The following CACNA2D1 variants were observed in gnomAD, a reference collection of about 807,000 sequenced individuals.
The protein encoded by CACNA2D1 is calcium voltage-gated channel auxiliary subunit alpha2delta 1, also known as voltage-dependent calcium channel subunit alpha-2/delta-1.
CACNA2D1 carries 53 observed loss-of-function variants against 171.5 expected under a neutral mutation model. The observed-to-expected ratio is 0.31, with a 90% confidence interval of 0.25 to 0.39. The LOEUF is 0.39. Among genes scored for constraint, CACNA2D1 ranks in the 10% least tolerant of loss-of-function variants. The pLI, the probability that CACNA2D1 is intolerant of heterozygous loss-of-function variation, is 1.00. For missense variants in CACNA2D1, 903 were observed against 1,299.8 expected (o/e 0.69, Z 4.69); for synonymous variants, 442 against 443.1 (o/e 1.00, Z 0.03).
chr7:82,338,001 T>C (rs1022540491), intron 2 of CACNA2D1, among the ~76,000 whole-genome samples: 8 of 152,120 alleles, frequency 5.3e-5, no homozygotes, highest in South Asian at 2.1e-4. Context: ...GTTTGTGAGA[T>C]AGCCAAAAAA....
chr7:82,411,914 C>A (rs1011755937), intron 1 of CACNA2D1, among the ~76,000 whole-genome samples: 2 of 151,818 alleles, frequency 1.3e-5, no homozygotes, highest in Non-Finnish European at 2.9e-5. Flanking sequence ...CACACACACA[C>A]ACACACACAC....
At position 82,279,326 on chromosome 7, in the gene CACNA2D1, T is replaced by G. The variant is rs931448729; in HGVS notation, c.294+55809A>C. On this transcript the variant is annotated intron_variant, in intron 3 of 38. Transcript: ENST00000356860. ...GGAATTTATTTATTTATGTATGTATTTATTTATTTATCTGAAGTTATTACA... is the reference window on the plus strand; with the variant it reads ...GGAATTTATTTATTTATGTATGTATGTATTTATTTATCTGAAGTTATTACA... 5.9e-5 allele frequency among the ~76,000 whole-genome samples: 9 copies of G among 152,300 alleles called. No individual in the cohort carries two copies. In the South Asian group the frequency reaches 1.0e-3, roughly 18 times the overall value.
At chr7:82,242,147 T>C (rs531273824) in intron 3 of CACNA2D1, among the ~76,000 whole-genome samples, 44 of 152,256 alleles carry the variant, frequency 2.9e-4, no homozygotes, top group African/African-American at 1.0e-3. Flanking sequence ...TAGGGATTAG[T>C]TGACATTATG....
At chr7:82,335,386 G>C (rs904271809) in intron 2 of CACNA2D1, 135 bp from the exon 3 acceptor site, 4 of 669,126 alleles carry the variant, frequency 6.0e-6, no homozygotes, top group African/African-American at 1.8e-5. Flanking sequence ...TCTTTTTGGA[G>C]TTTGAGTGTG....
At chr7:82,059,340 G>A (rs1311947187) in intron 10 of CACNA2D1, among the ~76,000 whole-genome samples, 10 of 152,122 alleles carry the variant, frequency 6.6e-5, no homozygotes, top group Admixed American at 5.9e-4. Flanking sequence ...TTCTAGCTAT[G>A]AGTAGGAGGG....
At chr7:82,196,198 AGTCCATATACATG>A (rs1258201579) in intron 3 of CACNA2D1, among the ~76,000 whole-genome samples, 1 of 152,090 alleles carries the variant, frequency 6.6e-6, no homozygotes, top group Non-Finnish European at 1.5e-5. Context: ...CCATTTTGCA[AGTCCATATACATG>A]GTCTAATAAC....
chr7:82,253,763 C>T (rs920984933), intron 3 of CACNA2D1, among the ~76,000 whole-genome samples: 1 of 152,138 alleles, frequency 6.6e-6, no homozygotes, highest in African/African-American at 2.4e-5. Context: ...TCTCCAGAAA[C>T]TTGCAAGGTC....
chr7:82,267,405 G>A (rs1384320512), intron 3 of CACNA2D1, among the ~76,000 whole-genome samples: 3 of 152,120 alleles, frequency 2.0e-5, no homozygotes, highest in Non-Finnish European at 4.4e-5. Flanking sequence ...GTCACAATTA[G>A]TTATGCCCCA....
At chr7:82,184,083 TAA>T (rs532720700) in intron 3 of CACNA2D1, among the ~76,000 whole-genome samples, 1 of 144,174 alleles carries the variant, frequency 6.9e-6, no homozygotes, top group African/African-American at 2.5e-5. Context: ...AGGATGGTTT[TAA>T]AAAAAAAAAA....
chr7:82,190,322 T>C (rs1241439160), intron 3 of CACNA2D1, among the ~76,000 whole-genome samples: 1 of 151,826 alleles, frequency 6.6e-6, no homozygotes, highest in Non-Finnish European at 1.5e-5. Context: ...TTGCTTCATA[T>C]CCATAATTGT....
intron 19 of CACNA2D1, among the ~76,000 whole-genome samples, chr7:81,995,434 T>G (rs1797942120): frequency 6.6e-6 from 1 of 152,142 alleles, no homozygotes; most frequent in Non-Finnish European, 1.5e-5. Context: ...CAGAGAAAAC[T>G]ATAAACACCT....
chr7:81,981,076 T>C (rs1440237775), intron 24 of CACNA2D1, among the ~76,000 whole-genome samples: 1 of 152,194 alleles, frequency 6.6e-6, no homozygotes, highest in African/African-American at 2.4e-5. Flanking sequence ...GAAACACATA[T>C]GTCTTTGTCT....
chr7:82,125,888 AT>A (rs1369916742), intron 5 of CACNA2D1, among the ~76,000 whole-genome samples: 5 of 152,210 alleles, frequency 3.3e-5, no homozygotes, highest in Admixed American at 6.5e-5. Flanking sequence ...AAAATGAAAA[AT>A]ATCTCAATAT....
intron 3 of CACNA2D1, among the ~76,000 whole-genome samples, chr7:82,229,170 G>A (rs984384409): frequency 6.6e-6 from 1 of 152,076 alleles, no homozygotes; most frequent in African/African-American, 2.4e-5. Flanking sequence ...AGTAGATATG[G>A]GTTTACTAGG....
At chr7:82,285,343 C>T (rs961487697) in intron 3 of CACNA2D1, among the ~76,000 whole-genome samples, 2 of 152,164 alleles carry the variant, frequency 1.3e-5, no homozygotes, top group African/African-American at 4.8e-5. Context: ...ACCCCCTACA[C>T]AGCCCAACCC....
intron 6 of CACNA2D1, among the ~76,000 whole-genome samples, chr7:82,103,978 G>C (rs1033381604): frequency 1.3e-5 from 2 of 151,924 alleles, no homozygotes. Context: ...CCATCAAAGT[G>C]AATAATTTCA....
chr7:82,198,433 C>T (rs1799067447), intron 3 of CACNA2D1, among the ~76,000 whole-genome samples: 1 of 152,044 alleles, frequency 6.6e-6, no homozygotes, highest in Admixed American at 6.6e-5. Flanking sequence ...GGCTCGAAGG[C>T]AGTGATTTCT....
chr7:82,380,461 A>G lies in CACNA2D1; in HGVS notation c.96-30812T>C, dbSNP rs536148649. On this transcript the variant is annotated intron_variant, in intron 1 of 38. Transcript: ENST00000356860. ...TTTTTGATGTGAGTGATTCCAAACTATTATATAATAAAAAGTCTGCTCTAA... is the reference window on the plus strand; with the variant it reads ...TTTTTGATGTGAGTGATTCCAAACTGTTATATAATAAAAAGTCTGCTCTAA... Among the ~76,000 whole-genome samples, 4 of 152,252 alleles carry G rather than the reference A, an allele frequency of 2.6e-5. No individual in the cohort carries two copies. In the South Asian group the frequency reaches 6.2e-4, roughly 24 times the overall value.
rs369514706 is a variant in CACNA2D1, at chr7:81,978,770, T to TAC, written c.1955+3795_1955+3796dup. On this transcript the variant is annotated intron_variant, in intron 24 of 38. Transcript: ENST00000356860. ...TAAAAAGTGTATATATATATATATA[T>TAC]ACACACACACACACACTGTTCAAAA... Among the ~76,000 whole-genome samples the TAC allele has an allele frequency of 2.5e-3, 359 of 144,002 alleles. 2 individuals are homozygous for TAC. Among genetic ancestry groups the TAC allele is most frequent in the Middle Eastern group, 0.018 (5 of 284 alleles). The allele number at this position is 144,002 out of a possible 152,430, so 94.5% of individuals were successfully genotyped here.
Sources: gnomAD v4.1 joint callset for allele counts (sites outside exome capture counted in the v4.1 genomes callset) on GRCh38, gnomAD v4.1.1 for gene constraint, MANE v1.5 for transcripts, NCBI Gene and HGNC (gene_info 2026-07-23, HGNC 2026-07-21) for gene names.